Variants in TIMM21 observed in about 807,000 individuals in gnomAD.
TIMM21 encodes translocase of inner mitochondrial membrane 21.
A neutral mutation model predicts 27.7 loss-of-function variants in TIMM21; 30 were observed. The ratio of observed to expected loss-of-function variants is 1.08; its 90% CI spans 0.81 to 1.47. TIMM21 has a LOEUF of 1.47. Among genes scored for constraint, TIMM21 ranks in the 40% most tolerant of loss-of-function variants. The probability of loss-of-function intolerance (pLI) is 0.00; values close to 1 mark genes in which losing one functional copy is unlikely to be tolerated. For missense variants in TIMM21, 292 were observed against 302.9 expected, an observed-to-expected ratio of 0.96 and a Z score of 0.27; for synonymous variants, 121 against 114.4, an observed-to-expected ratio of 1.06 and a Z score of -0.37.
rs957565702 is a variant in TIMM21 at position 74,156,569 on chromosome 18, C to G, written c.462+1166C>G. On this transcript the variant is annotated intron_variant, in intron 3 of 5. Transcript: ENST00000169551. Reference sequence around the variant, plus strand: ...GGAAGGTTCGTTCCCATAATAGTTACTGGGAATCCAAATTTTATCTGACAA... The same window carrying G: ...GGAAGGTTCGTTCCCATAATAGTTAGTGGGAATCCAAATTTTATCTGACAA... 5 of 322,762 alleles carry G rather than the reference C, an allele frequency of 1.5e-5. No individual in the cohort carries two copies. In the East Asian group the frequency reaches 2.4e-4, roughly 15 times the overall value. 20.0% of individuals were successfully genotyped at this position (322,762 alleles called of 1,614,324 possible).
At chr18:74,157,200 C>A (rs1979973346) in intron 3 of TIMM21, 1 of 152,200 alleles carries the variant, frequency 6.6e-6, no homozygotes, top group African/African-American at 2.4e-5. Flanking sequence ...ATAGTAGATT[C>A]ACACCTGTAG....
chr18:74,157,081 CTT>C lies in TIMM21; in HGVS notation c.463-928_463-927del, dbSNP rs535428311. The C allele has an allele frequency of 2.5e-3, 380 of 152,228 alleles. 4 individuals carry two copies. The highest frequency in any genetic ancestry group is 8.5e-3 in the African/African-American group (352 of 41,546). The allele number at this position is 152,228 out of a possible 1,614,324, so 9.4% of individuals were successfully genotyped here. On this transcript the variant is annotated intron_variant, in intron 3 of 5. Coordinates refer to ENST00000169551, the MANE Select transcript of TIMM21 (RefSeq NM_014177.3). ...AAATTTCGTAGAGTTGAGGGTCAAA[CTT>C]TTTTAGTTTAATATCAAATTTATAT...
chr18:74,150,795 C>T (rs772835364), intron 1 of TIMM21, among the ~76,000 whole-genome samples: 23 of 152,090 alleles, frequency 1.5e-4, no homozygotes, highest in Admixed American at 4.6e-4. Flanking sequence ...TACAAGGGAC[C>T]GTGATGGGGA....
chr18:74,155,972 T>A (rs1041343263), intron 3 of TIMM21, among the ~76,000 whole-genome samples: 1 of 152,132 alleles, frequency 6.6e-6, no homozygotes, highest in Non-Finnish European at 1.5e-5. Flanking sequence ...AAATCTAAGC[T>A]CTTAAGCACA....
At chr18:74,149,211 A>C (rs1166448278) in intron 1 of TIMM21, 102 bp downstream of exon 1, 1 of 1,341,090 alleles carries the variant, frequency 7.5e-7, no homozygotes, top group Non-Finnish European at 1.0e-6. Flanking sequence ...AAAGCAATTC[A>C]CATGAATTTT....
In TIMM21 at chr18:74,149,005, G is replaced by A; in HGVS notation, c.197G>A (p.Trp66Ter). ...CTTGGAGTCACCCAGAAAACCATCT[G>A]GACGCAGGGACCGAGCCCCCGAAAA... ...CILGVTQKTI[W>*]TQGPSPRKAK... The change falls in exon 1 of 6, where the codon TGG becomes TAG. Residue 66 changes from tryptophan to a stop codon, truncating the protein, a stop_gained. Transcript: ENST00000169551. LOFTEE classifies it high-confidence loss of function. 6.2e-7 allele frequency: 1 copy of A among 1,614,172 alleles called. No homozygotes were observed. The highest frequency in any genetic ancestry group is 1.1e-5 in the South Asian group (1 of 91,078).
At chr18:74,156,105 T>C in intron 3 of TIMM21, 1 of 395,362 alleles carries the variant, frequency 2.5e-6, no homozygotes. Flanking sequence ...CGGTGTGGCC[T>C]GGGAAGTGTC....
At chr18:74,151,546 C>T (rs1979800324) in intron 1 of TIMM21, among the ~76,000 whole-genome samples, 1 of 152,182 alleles carries the variant, frequency 6.6e-6, no homozygotes, top group African/African-American at 2.4e-5. Context: ...CTTTCATCTC[C>T]ATTTCTGTCA....
chr18:74,158,586 T>C lies in TIMM21; in HGVS notation c.*106T>C. The C allele has an allele frequency of 1.4e-6, 1 of 720,844 alleles. No individual in the cohort carries two copies. The highest frequency in any genetic ancestry group is 2.4e-6 in the Non-Finnish European group (1 of 417,324). The allele number at this position is 720,844 out of a possible 1,614,324, so 44.7% of individuals were successfully genotyped here. A position where few individuals can be genotyped will look rare whatever the true frequency, so the allele number is the denominator to read the frequency against. ...GAAAGACAAGAAGGAGTGTATGGCT[T>C]ATAAAGTGAATCTAATACAGTATTT... On this transcript the variant is annotated 3_prime_UTR_variant, in exon 6 of 6. Transcript: ENST00000169551.
Position 74,148,545 on chromosome 18 carries a change from C to A in TIMM21, c.-264C>A, listed in dbSNP as rs367977338. On this transcript the variant is annotated 5_prime_UTR_variant, in exon 1 of 6. Transcript: ENST00000169551. Reference sequence around the variant, plus strand: ...CCCAGGTGACTTTGCGAAGGCATGGCGGGGACACTGTGAATGTCAGCCCAG... The same window carrying A: ...CCCAGGTGACTTTGCGAAGGCATGGAGGGGACACTGTGAATGTCAGCCCAG... 1 of 338,882 alleles carries A rather than the reference C, an allele frequency of 3.0e-6. No homozygotes were observed. The highest frequency in any genetic ancestry group is 5.4e-6 in the Non-Finnish European group (1 of 183,960). 21.0% of individuals were successfully genotyped at this position (338,882 alleles called of 1,614,324 possible). A position where few individuals can be genotyped will look rare whatever the true frequency, so the allele number is the denominator to read the frequency against.
At chr18:74,149,165 A>G (rs1979710733) in intron 1 of TIMM21, 56 bp downstream of exon 1, 4 of 1,546,272 alleles carry the variant, frequency 2.6e-6, no homozygotes, top group Non-Finnish European at 3.5e-6. Context: ...AGAGCTGCCA[A>G]TGCCCTTTTA....
Position 74,155,414 on chromosome 18 carries a change from A to G in TIMM21, c.462+11A>G. The G allele has an allele frequency of 1.3e-6, 2 of 1,593,720 alleles. No homozygotes were observed. The highest frequency in any genetic ancestry group is 1.7e-6 in the Non-Finnish European group (2 of 1,168,266). On this transcript the variant is annotated intron_variant, in intron 3 of 5. Transcript: ENST00000169551. ...AGATCACATCCTGAGGTTAGTTCTC[A>G]AGATTGAGTTACATGAACTCTGATG...
rs1026728897 is a variant in TIMM21 at position 74,160,188 on chromosome 18, G to T, written c.*1708G>T. The stretch of plus-strand genomic sequence containing the variant: ...AAAAAAAAAAAAATTAACCAGGCAC[G>T]TTGACACACTCCTGTAATCTCATCT... On this transcript the variant is annotated 3_prime_UTR_variant, in exon 6 of 6. Coordinates refer to ENST00000169551, the MANE Select transcript of TIMM21 (RefSeq NM_014177.3). The T allele has an allele frequency of 1.3e-5, 2 of 151,680 alleles. No homozygotes were observed. Among genetic ancestry groups the T allele is most frequent in the Non-Finnish European group, 2.9e-5 (2 of 67,990 alleles). 9.4% of individuals were successfully genotyped at this position (151,680 alleles called of 1,614,324 possible).
chr18:74,155,930 C>G (rs899784600), intron 3 of TIMM21, among the ~76,000 whole-genome samples: 1 of 152,132 alleles, frequency 6.6e-6, no homozygotes, highest in Non-Finnish European at 1.5e-5. Flanking sequence ...GGAACCGGAA[C>G]CCGAATCCAC....
chr18:74,156,270 A>C (rs898261219), intron 3 of TIMM21: 2 of 398,556 alleles, frequency 5.0e-6, no homozygotes, highest in Non-Finnish European at 8.8e-6. Context: ...GAGTAATGTC[A>C]TAGCTCGCAT....
rs547145109 is a variant in TIMM21 at position 74,148,962 on chromosome 18, C to T, written c.154C>T (p.Leu52=). 2.5e-6 allele frequency: 4 copies of T among 1,614,200 alleles called. No individual in the cohort carries two copies. In the East Asian group the frequency reaches 6.7e-5, roughly 27 times the overall value. ...RCGLQYQKKT[L]RPRCILGVTQ... ...TGGGCTTCAATATCAAAAGAAAACG[C>T]TGCGACCTAGATGTATTCTTGGAGT... The change falls in exon 1 of 6, where the codon CTG becomes TTG. Residue 52 remains leucine, a synonymous_variant. Transcript: ENST00000169551.
At chr18:74,153,273 G>A (rs1382733448) in intron 1 of TIMM21, among the ~76,000 whole-genome samples, 10 of 152,148 alleles carry the variant, frequency 6.6e-5, no homozygotes, top group African/African-American at 2.4e-4. Context: ...TTTAGCACAG[G>A]GCTTTATATA....
intron 1 of TIMM21, among the ~76,000 whole-genome samples, chr18:74,153,456 GTTGTTA>G (rs1979865174): frequency 6.6e-6 from 1 of 152,212 alleles, no homozygotes; most frequent in South Asian, 2.1e-4. Flanking sequence ...GAACTAGTTA[GTTGTTA>G]TTGTATTCTC....
At chr18:74,156,455 T>A (rs1276249619) in intron 3 of TIMM21, 2 of 394,926 alleles carry the variant, frequency 5.1e-6, no homozygotes, top group Non-Finnish European at 8.9e-6. Flanking sequence ...ATCCACTGAT[T>A]TCTCTTCATT....
Sources: allele counts gnomAD v4.1 joint callset (sites outside exome capture counted in the v4.1 genomes callset), GRCh38; gene constraint gnomAD v4.1.1; transcripts MANE v1.5; gene names NCBI Gene and HGNC (gene_info 2026-07-23, HGNC 2026-07-21).